The following GFRA1 variants were observed in gnomAD, a reference collection of about 807,000 sequenced individuals.
The protein encoded by GFRA1 is GDNF family receptor alpha-1.
A neutral mutation model predicts 51.6 loss-of-function variants in GFRA1; 16 were observed. The observed-to-expected ratio is 0.31, with a 90% CI of 0.21 to 0.47. The LOEUF is 0.47. Among genes scored for constraint, GFRA1 ranks in the 20% least tolerant of loss-of-function variants. GFRA1 has a pLI of 1.00. For synonymous variants in GFRA1, 270 were observed against 241.3 expected (o/e 1.12, Z -1.10); for missense variants, 530 against 594.3 (o/e 0.89, Z 1.13).
chr10:116,167,670 A>G (rs1246778169), intron 5 of GFRA1, among the ~76,000 whole-genome samples: 2 of 152,018 alleles, frequency 1.3e-5, no homozygotes, highest in African/African-American at 4.8e-5. Flanking sequence ...CAGTCCAGAG[A>G]GCTTGACTTT....
At chr10:116,210,408 C>G (rs1361880358) in intron 5 of GFRA1, among the ~76,000 whole-genome samples, 1 of 152,184 alleles carries the variant, frequency 6.6e-6, no homozygotes, top group Non-Finnish European at 1.5e-5. Context: ...ACTGACCCCC[C>G]AGTTTGTGAA....
intron 5 of GFRA1, among the ~76,000 whole-genome samples, chr10:116,134,364 G>T (rs530467855): frequency 6.6e-6 from 1 of 152,274 alleles, no homozygotes; most frequent in African/African-American, 2.4e-5. Context: ...ATTAAAAAAT[G>T]GGTAAAAGAT....
intron 5 of GFRA1, among the ~76,000 whole-genome samples, chr10:116,210,889 T>C (rs1294855191): frequency 6.6e-6 from 1 of 152,188 alleles, no homozygotes; most frequent in African/African-American, 2.4e-5. Flanking sequence ...TACCCAGTAG[T>C]GTCAAGCTGT....
chr10:116,229,875 G>C (rs988417532), intron 4 of GFRA1, among the ~76,000 whole-genome samples: 1 of 152,138 alleles, frequency 6.6e-6, no homozygotes, highest in Non-Finnish European at 1.5e-5. Context: ...CTCTCACTTG[G>C]TACAGGCAGT....
intron 4 of GFRA1, among the ~76,000 whole-genome samples, chr10:116,213,649 C>T (rs1304169869): frequency 6.6e-6 from 1 of 152,198 alleles, no homozygotes; most frequent in Non-Finnish European, 1.5e-5. Flanking sequence ...TCACCAGAAA[C>T]ATCAGCTCCT....
Position 116,272,005 on chromosome 10 carries a change from C to T in GFRA1, c.25G>A (p.Ala9Thr). Residue 9 changes from alanine (A) to threonine (T), a missense_variant, in exon 2 of 11, where the codon GCG becomes ACG. Transcript: ENST00000355422. The surrounding 1 kb of genome is among the most constrained non-coding windows in gnomAD (Gnocchi z 4.4). MFLATLYFALPLLDLLLSA... is the reference protein window; with the variant it reads MFLATLYFTLPLLDLLLSA... Reference sequence around the variant, plus strand: ...CTCGACTTACCCAAGAGCGGCAGCGCGAAGTACAGGGTCGCCAGGAACATG... The same window carrying T: ...CTCGACTTACCCAAGAGCGGCAGCGTGAAGTACAGGGTCGCCAGGAACATG... The T allele has an allele frequency of 6.4e-7, 1 of 1,558,478 alleles. No homozygotes were observed. The highest frequency in any genetic ancestry group is 8.7e-7 in the Non-Finnish European group (1 of 1,151,884).
intron 9 of GFRA1, among the ~76,000 whole-genome samples, chr10:116,079,668 A>G (rs1056645126): frequency 9.9e-5 from 15 of 152,036 alleles, no homozygotes; most frequent in Admixed American, 9.2e-4. Context: ...AATACCCTAC[A>G]ATGCACAGGA....
At chr10:116,087,273 G>A (rs1956139998) in intron 9 of GFRA1, among the ~76,000 whole-genome samples, 1 of 60 alleles carries the variant, frequency 0.017, no homozygotes, top group Non-Finnish European at 0.029. Flanking sequence ...TTTGGGCGGG[G>A]GGCGGAGGGA....
chr10:116,208,894 A>G (rs558949220), intron 5 of GFRA1, among the ~76,000 whole-genome samples: 3 of 152,332 alleles, frequency 2.0e-5, no homozygotes, highest in African/African-American at 7.2e-5. Context: ...AGAATTTTCA[A>G]TTGCATTTGA....
chr10:116,225,555 A>G (rs913328749), intron 4 of GFRA1, among the ~76,000 whole-genome samples: 5 of 150,008 alleles, frequency 3.3e-5, no homozygotes, highest in Non-Finnish European at 5.9e-5. Flanking sequence ...AAAAAAAAAA[A>G]AAAAACTAAA....
chr10:116,167,026 C>T (rs1336223808), intron 5 of GFRA1, among the ~76,000 whole-genome samples: 2 of 151,852 alleles, frequency 1.3e-5, no homozygotes, highest in South Asian at 2.1e-4. Flanking sequence ...GTCTCAATCT[C>T]CTGACCTCCT....
At position 116,150,490 on chromosome 10, in the gene GFRA1, A is replaced by G. The variant is rs185218634; in HGVS notation, c.434-24933T>C. On this transcript the variant is annotated intron_variant, in intron 5 of 10. Transcript: ENST00000355422. ...GACATGCCCCTCTGGGTGTTTGAAC[A>G]GCCCATGCCTTTCTAAGAACGGTTT... Among the ~76,000 whole-genome samples the G allele has an allele frequency of 2.4e-4, 37 of 152,324 alleles. No individual in the cohort carries two copies. The South Asian group carries it at 6.4e-3, about 26-fold the overall frequency.
At chr10:116,241,598 T>C (rs1452926564) in intron 4 of GFRA1, among the ~76,000 whole-genome samples, 1 of 152,202 alleles carries the variant, frequency 6.6e-6, no homozygotes, top group Non-Finnish European at 1.5e-5. Flanking sequence ...GAAGTTCCAC[T>C]TTGGCAGGAA....
rs1056388690 is a variant in GFRA1 at position 116,061,707 on chromosome 10, G to A, written c.*2691C>T. 6 of 301,560 alleles carry A rather than the reference G, an allele frequency of 2.0e-5. No homozygotes were observed. Among genetic ancestry groups the A allele is most frequent in the Non-Finnish European group, 3.6e-5 (6 of 165,546 alleles). The allele number at this position is 301,560 out of a possible 1,614,324, so 18.7% of individuals were successfully genotyped here. ...TCAGCAGATAACCCCTGTCTTCAGT[G>A]GCACCCCAAATGCCCGGACTGAAGG... On this transcript the variant is annotated 3_prime_UTR_variant, in exon 11 of 11. Coordinates refer to ENST00000355422, the MANE Select transcript of GFRA1 (RefSeq NM_005264.8).
chr10:116,085,279 A>AATCT (rs1296327035), intron 9 of GFRA1, among the ~76,000 whole-genome samples: 7 of 152,186 alleles, frequency 4.6e-5, no homozygotes, highest in Non-Finnish European at 4.4e-5. Flanking sequence ...CCAAGGGGGA[A>AATCT]ATCTATCTCA....
At chr10:116,189,457 C>T (rs1359673631) in intron 5 of GFRA1, among the ~76,000 whole-genome samples, 1 of 152,162 alleles carries the variant, frequency 6.6e-6, no homozygotes, top group African/African-American at 2.4e-5. Flanking sequence ...CCCTTCTTCC[C>T]TCTTTTTTTG....
At chr10:116,192,103 C>T (rs1963322286) in intron 5 of GFRA1, among the ~76,000 whole-genome samples, 1 of 152,180 alleles carries the variant, frequency 6.6e-6, no homozygotes, top group South Asian at 2.1e-4. Context: ...TTTCTTTCGT[C>T]CTTGTCTGTG....
intron 5 of GFRA1, among the ~76,000 whole-genome samples, chr10:116,178,299 C>A (rs1409949222): frequency 7.2e-6 from 1 of 138,918 alleles, no homozygotes; most frequent in Non-Finnish European, 1.6e-5. Flanking sequence ...CACAAGGGGC[C>A]GGGGGGGCGT....
intron 5 of GFRA1, among the ~76,000 whole-genome samples, chr10:116,160,056 C>G (rs570463320): frequency 1.3e-5 from 2 of 152,338 alleles, no homozygotes; most frequent in Admixed American, 1.3e-4. Context: ...ATAAAACTGC[C>G]TAATCCCTGC....
Sources: allele counts gnomAD v4.1 joint callset (sites outside exome capture counted in the v4.1 genomes callset), GRCh38; gene constraint gnomAD v4.1.1; non-coding constraint Gnocchi (gnomAD v3.1); transcripts MANE v1.5; gene names NCBI Gene and HGNC (gene_info 2026-07-23, HGNC 2026-07-21).